SNX18: variants seen among roughly 807,000 people sequenced by gnomAD.
SNX18 encodes sorting nexin-18.
In SNX18, 35 loss-of-function variants were observed where a neutral mutation model predicts 48.7. That is an observed-to-expected ratio of 0.72 (90% CI 0.55 to 0.95). The LOEUF (loss-of-function observed/expected upper bound fraction) is 0.95, where lower values mean the gene tolerates loss of function less well. SNX18 is among the 40% of genes least tolerant of loss of function. SNX18 has a pLI of 0.00. For synonymous variants in SNX18, 492 were observed against 384.7 expected (o/e 1.28, Z -3.26); for missense variants, 824 against 871.0 (o/e 0.95, Z 0.68).
chr5:54,564,679 A>T, the SNX18 span, among the ~76,000 whole-genome samples: 1 of 152,172 alleles, frequency 6.6e-6, no homozygotes, highest in East Asian at 1.9e-4. Context: ...CAACATGCTG[A>T]AACCCCATCT....
chr5:54,576,745 G>A, the SNX18 span, among the ~76,000 whole-genome samples: 9 of 152,150 alleles, frequency 5.9e-5, no homozygotes, highest in East Asian at 1.9e-4. Flanking sequence ...AAGGCCTGGC[G>A]TTTATTTGGC....
chr5:54,556,245 C>T, the SNX18 span, among the ~76,000 whole-genome samples: 1 of 152,218 alleles, frequency 6.6e-6, no homozygotes, highest in African/African-American at 2.4e-5. Context: ...TAAAACAACA[C>T]AGATTTATTA....
At chr5:54,521,660 G>T (rs1348888649) in intron 1 of SNX18, among the ~76,000 whole-genome samples, 1 of 152,130 alleles carries the variant, frequency 6.6e-6, no homozygotes, top group Non-Finnish European at 1.5e-5. Flanking sequence ...AGGCATAATT[G>T]AACCATTGCC....
chr5:54,605,805 A>T, the SNX18 span, among the ~76,000 whole-genome samples: 3 of 152,140 alleles, frequency 2.0e-5, no homozygotes, highest in African/African-American at 7.2e-5. Flanking sequence ...GACTACAGGC[A>T]TGTGCCAACA....
chr5:54,600,765 G>A, the SNX18 span, among the ~76,000 whole-genome samples: 55,940 of 151,916 alleles, frequency 0.37, 10,443 homozygotes, highest in South Asian at 0.56. Flanking sequence ...CTTATAACTG[G>A]GAGCTGAACA....
At chr5:54,621,673 A>G in the SNX18 span, among the ~76,000 whole-genome samples, 12 of 152,180 alleles carry the variant, frequency 7.9e-5, no homozygotes, top group Non-Finnish European at 1.0e-4. Context: ...GAGAAAGTGC[A>G]ATGAAAGGGC....
At position 54,543,476 on chromosome 5, in the gene SNX18, T is replaced by G. The variant is rs753597188; in HGVS notation, c.*44T>G. 6.3e-7 allele frequency: 1 copy of G among 1,591,966 alleles called. No individual in the cohort carries two copies. The highest frequency in any genetic ancestry group is 1.1e-5 in the South Asian group (1 of 87,428). On this transcript the variant is annotated 3_prime_UTR_variant, in exon 2 of 2. Coordinates refer to ENST00000381410, the MANE Select transcript of SNX18 (RefSeq NM_001102575.2). ...TGGACTTTTTCAGTTCAAGGATAAT[T>G]TCTACAGCAGAATAAAAACTGCTGT...
chr5:54,635,945 C>T, the SNX18 span, among the ~76,000 whole-genome samples: 3 of 152,130 alleles, frequency 2.0e-5, no homozygotes, highest in African/African-American at 7.2e-5. Context: ...TGAGATGTTC[C>T]CTGAGCTCAT....
intron 1 of SNX18, among the ~76,000 whole-genome samples, chr5:54,528,095 A>G (rs1363148114): frequency 1.3e-5 from 2 of 152,000 alleles, no homozygotes; most frequent in Non-Finnish European, 2.9e-5. Flanking sequence ...ATTTCACTTT[A>G]TATTGATTCT....
chr5:54,610,745 T>C, the SNX18 span, among the ~76,000 whole-genome samples: 3 of 152,274 alleles, frequency 2.0e-5, no homozygotes, highest in East Asian at 1.9e-4. Flanking sequence ...CATCCTGTTG[T>C]GGTGTTGAAG....
At chr5:54,578,013 C>T in the SNX18 span, among the ~76,000 whole-genome samples, 3 of 152,326 alleles carry the variant, frequency 2.0e-5, no homozygotes, top group East Asian at 5.8e-4. Context: ...TGCTCCCAGA[C>T]TGGCCAGGCC....
intron 1 of SNX18, among the ~76,000 whole-genome samples, chr5:54,524,759 T>C (rs1027442814): frequency 1.3e-5 from 2 of 152,362 alleles, no homozygotes; most frequent in South Asian, 4.1e-4. Context: ...CTCATATTTA[T>C]ACAACACAGA....
the SNX18 span, among the ~76,000 whole-genome samples, chr5:54,612,144 T>C: frequency 6.6e-6 from 1 of 152,228 alleles, no homozygotes; most frequent in Non-Finnish European, 1.5e-5. Flanking sequence ...TAATAGTTAA[T>C]ATTATTGTTA....
At chr5:54,626,057 A>C in the SNX18 span, among the ~76,000 whole-genome samples, 1 of 152,234 alleles carries the variant, frequency 6.6e-6, no homozygotes, top group African/African-American at 2.4e-5. Context: ...TTTCTGTTGC[A>C]TGATCCAATA....
At chr5:54,591,589 C>G in the SNX18 span, among the ~76,000 whole-genome samples, 1 of 152,214 alleles carries the variant, frequency 6.6e-6, no homozygotes, top group African/African-American at 2.4e-5. Flanking sequence ...TGTGAGCACT[C>G]AAAATGATGT....
chr5:54,567,834 T>C, the SNX18 span, among the ~76,000 whole-genome samples: 1 of 152,184 alleles, frequency 6.6e-6, no homozygotes, highest in African/African-American at 2.4e-5. Context: ...TGCTGCTTGC[T>C]TAGTCTCTGG....
At chr5:54,532,734 G>A (rs1436501704) in intron 1 of SNX18, among the ~76,000 whole-genome samples, 1 of 151,976 alleles carries the variant, frequency 6.6e-6, no homozygotes, top group East Asian at 1.9e-4. Flanking sequence ...TATTCATTAT[G>A]GGCTGGAACA....
chr5:54,563,331 G>A, the SNX18 span, among the ~76,000 whole-genome samples: 4 of 152,054 alleles, frequency 2.6e-5, no homozygotes, highest in Non-Finnish European at 4.4e-5. Context: ...CTCTGTTCAT[G>A]GTAAGTGCCC....
chr5:54,540,636 T>C (rs1338066307), intron 1 of SNX18, among the ~76,000 whole-genome samples: 1 of 152,250 alleles, frequency 6.6e-6, no homozygotes, highest in Non-Finnish European at 1.5e-5. Flanking sequence ...GCAACTTAGT[T>C]GACAATCACC....
Sources: gnomAD v4.1 joint callset for allele counts (sites outside exome capture counted in the v4.1 genomes callset) on GRCh38, gnomAD v4.1.1 for gene constraint, MANE v1.5 for transcripts, NCBI Gene and HGNC (gene_info 2026-07-23, HGNC 2026-07-21) for gene names.